The following PPM1H variants were observed in gnomAD, a reference collection of about 807,000 sequenced individuals.
PPM1H encodes the protein protein phosphatase 1H.
A neutral mutation model predicts 54.9 loss-of-function variants in PPM1H; 27 were observed. The observed-to-expected ratio is 0.49, with a 90% CI of 0.36 to 0.68. The LOEUF (loss-of-function observed/expected upper bound fraction) is 0.68. Ranked by LOEUF, PPM1H falls within the 30% of genes least tolerant of loss-of-function variation. The probability of loss-of-function intolerance (pLI) is 0.00; values close to 1 mark genes in which losing one functional copy is unlikely to be tolerated. For synonymous variants in PPM1H, 305 were observed against 270.8 expected (o/e 1.13, Z -1.24); for missense variants, 596 against 667.8 (o/e 0.89, Z 1.19).
At chr12:62,741,389 G>C (rs577410897) in intron 4 of PPM1H, among the ~76,000 whole-genome samples, 1 of 152,068 alleles carries the variant, frequency 6.6e-6, no homozygotes, top group Admixed American at 6.6e-5. Context: ...TGCTTCATAG[G>C]GTCACAAAGG....
chr12:62,811,497 T>C (rs921596897), intron 2 of PPM1H, among the ~76,000 whole-genome samples: 3 of 152,162 alleles, frequency 2.0e-5, no homozygotes, highest in Admixed American at 6.5e-5. Flanking sequence ...CCTTTCTTAT[T>C]TCCCCTAAAG....
chr12:62,816,652 T>C (rs2076868261), intron 2 of PPM1H, among the ~76,000 whole-genome samples: 1 of 152,052 alleles, frequency 6.6e-6, no homozygotes, highest in Non-Finnish European at 1.5e-5. Context: ...TTAGCCTATA[T>C]AAGGTTAAAT....
chr12:62,787,431 G>A (rs902998124), intron 4 of PPM1H, among the ~76,000 whole-genome samples: 2 of 152,204 alleles, frequency 1.3e-5, no homozygotes, highest in Non-Finnish European at 2.9e-5. Flanking sequence ...TTATGAAAGC[G>A]GTGGAGAAGT....
intron 8 of PPM1H, among the ~76,000 whole-genome samples, chr12:62,674,810 G>T (rs371966380): frequency 1.9e-4 from 29 of 152,314 alleles, no homozygotes; most frequent in South Asian, 6.2e-4. Context: ...GAAAGGGCTG[G>T]TGTGTTTGGG....
intron 9 of PPM1H, among the ~76,000 whole-genome samples, chr12:62,661,738 G>T (rs1272480535): frequency 1.3e-5 from 2 of 151,912 alleles, no homozygotes; most frequent in Admixed American, 1.3e-4. Context: ...CTTATTTTTA[G>T]AGAGGAAGTC....
rs11174707 is a variant in PPM1H, at chr12:62,879,403, A to G, written c.246-47124T>C. Among the ~76,000 whole-genome samples the G allele has an allele frequency of 5.7e-3, 863 of 152,352 alleles. 2 individuals are homozygous for G. Among genetic ancestry groups the G allele is most frequent in the Non-Finnish European group, 0.01 (693 of 68,036 alleles). On this transcript the variant is annotated intron_variant, in intron 1 of 9. Coordinates refer to ENST00000228705, the MANE Select transcript of PPM1H (RefSeq NM_020700.2). The stretch of plus-strand genomic sequence containing the variant: ...ATAGACTGGATAAAGAAAATATGGC[A>G]CATATATACCATGGAATACTATGCA...
intron 2 of PPM1H, among the ~76,000 whole-genome samples, chr12:62,821,258 A>C (rs535556701): frequency 1.3e-5 from 2 of 152,214 alleles, no homozygotes; most frequent in African/African-American, 4.8e-5. Context: ...GCCTCCAAGA[A>C]ATATGGGACT....
chr12:62,768,353 C>A (rs1565782932), intron 4 of PPM1H, among the ~76,000 whole-genome samples: 1 of 152,066 alleles, frequency 6.6e-6, no homozygotes, highest in African/African-American at 2.4e-5. Flanking sequence ...CTCTGAGGGA[C>A]AATCCGGGAT....
At chr12:62,877,727 G>C (rs1870228660) in intron 1 of PPM1H, among the ~76,000 whole-genome samples, 1 of 152,130 alleles carries the variant, frequency 6.6e-6, no homozygotes, top group Non-Finnish European at 1.5e-5. Flanking sequence ...CTGGGTGAAT[G>C]AATGATTCAC....
At chr12:62,849,735 T>C (rs542658705) in intron 1 of PPM1H, among the ~76,000 whole-genome samples, 142 of 152,200 alleles carry the variant, frequency 9.3e-4, no homozygotes, top group Non-Finnish European at 1.7e-3. Context: ...TTTAAGATGA[T>C]AAAATGCACT....
chr12:62,860,233 A>C (rs1261566992), intron 1 of PPM1H, among the ~76,000 whole-genome samples: 1 of 152,144 alleles, frequency 6.6e-6, no homozygotes, highest in Non-Finnish European at 1.5e-5. Context: ...AGATCTCGTG[A>C]GAACTCACTA....
At chr12:62,833,595 A>T (rs566359866) in intron 1 of PPM1H, among the ~76,000 whole-genome samples, 1 of 152,180 alleles carries the variant, frequency 6.6e-6, no homozygotes, top group African/African-American at 2.4e-5. Flanking sequence ...ATCAATTTCC[A>T]TAAGCCAACA....
At chr12:62,875,867 C>T (rs1870151137) in intron 1 of PPM1H, among the ~76,000 whole-genome samples, 1 of 152,142 alleles carries the variant, frequency 6.6e-6, no homozygotes, top group Admixed American at 6.5e-5. Flanking sequence ...TCACTAAGGC[C>T]TCTGTGAAGG....
rs1027844103 is a variant in PPM1H at position 62,934,440 on chromosome 12, C to A, written c.245+52G>T. The A allele has an allele frequency of 6.0e-6, 9 of 1,488,100 alleles. No homozygotes were observed. The South Asian group carries it at 1.1e-4, about 17-fold the overall frequency. 92.2% of individuals were successfully genotyped at this position (1,488,100 alleles called of 1,614,324 possible). On this transcript the variant is annotated intron_variant, in intron 1 of 9. Transcript: ENST00000228705. This position sits in a 1 kb window ranked among gnomAD's most constrained non-coding sequence, Gnocchi z 4.2. ...GGGAGAGAAGAGGGCTGGAACCGTG[C>A]GGGGAAGGGCCGCGAGGAGAGCAGG...
intron 1 of PPM1H, among the ~76,000 whole-genome samples, chr12:62,856,280 G>T (rs976523503): frequency 6.6e-6 from 1 of 152,100 alleles, no homozygotes; most frequent in African/African-American, 2.4e-5. Context: ...AACTCAGAGG[G>T]TTTGCTTGGT....
chr12:62,651,653 T>C (rs1187160484), intron 9 of PPM1H, among the ~76,000 whole-genome samples: 2 of 152,196 alleles, frequency 1.3e-5, no homozygotes, highest in African/African-American at 4.8e-5. Flanking sequence ...GGTTCTCTCT[T>C]CACCATCCAC....
At chr12:62,843,955 A>G (rs1484474504) in intron 1 of PPM1H, among the ~76,000 whole-genome samples, 1 of 152,180 alleles carries the variant, frequency 6.6e-6, no homozygotes, top group Admixed American at 6.5e-5. Context: ...CCTAATTTAC[A>G]AGGGAAAGAA....
At chr12:62,726,056 C>T (rs565396254) in intron 5 of PPM1H, among the ~76,000 whole-genome samples, 2 of 152,166 alleles carry the variant, frequency 1.3e-5, no homozygotes, top group Non-Finnish European at 2.9e-5. Flanking sequence ...TTTTACCACT[C>T]TCTCTTTTTT....
intron 6 of PPM1H, among the ~76,000 whole-genome samples, chr12:62,716,576 G>C (rs2120445779): frequency 6.6e-6 from 1 of 152,230 alleles, no homozygotes; most frequent in East Asian, 1.9e-4. Flanking sequence ...TTCCAGGCTA[G>C]AGTGCAGTGG....
Sources: allele counts gnomAD v4.1 joint callset (sites outside exome capture counted in the v4.1 genomes callset), GRCh38; gene constraint gnomAD v4.1.1; non-coding constraint Gnocchi (gnomAD v3.1); transcripts MANE v1.5; gene names NCBI Gene and HGNC (gene_info 2026-07-23, HGNC 2026-07-21).